The following TYW1 variants were observed in gnomAD, a reference collection of about 807,000 sequenced individuals.
TYW1 encodes the protein tRNA-yW synthesizing protein 1 homolog, also known as S-adenosyl-L-methionine-dependent tRNA 4-demethylwyosine synthase TYW1.
TYW1 carries 46 observed loss-of-function variants against 96.2 expected under a neutral mutation model. The ratio of observed to expected loss-of-function variants is 0.48; its 90% CI spans 0.38 to 0.61. The LOEUF is 0.61. Among genes scored for constraint, TYW1 ranks in the 20% least tolerant of loss-of-function variants. TYW1 has a pLI of 0.00. For synonymous variants in TYW1, 274 were observed against 323.0 expected (o/e 0.85, Z 1.63); for missense variants, 684 against 909.6 (o/e 0.75, Z 3.19).
At chr7:66,997,459 A>C (rs1793213969) in intron 1 of TYW1, among the ~76,000 whole-genome samples, 1 of 152,216 alleles carries the variant, frequency 6.6e-6, no homozygotes. Context: ...CAACAAAACA[A>C]AATTAATTTC....
chr7:67,134,066 A>G (rs556308358), intron 13 of TYW1, among the ~76,000 whole-genome samples: 9 of 151,884 alleles, frequency 5.9e-5, no homozygotes, highest in African/African-American at 2.2e-4. Context: ...ATTCCTTTCA[A>G]CTGTGAAAGC....
chr7:67,180,429 T>C (rs1478794601), intron 13 of TYW1, among the ~76,000 whole-genome samples: 1 of 145,036 alleles, frequency 6.9e-6, no homozygotes, highest in Non-Finnish European at 1.5e-5. Flanking sequence ...TATATAATTT[T>C]TTTTTTGGTA....
intron 15 of TYW1, among the ~76,000 whole-genome samples, chr7:67,227,376 C>A (rs992764732): frequency 6.6e-6 from 1 of 152,202 alleles, no homozygotes; most frequent in Non-Finnish European, 1.5e-5. Context: ...CCTGCCTCAG[C>A]CTCCTACGTA....
At chr7:67,013,804 C>T (rs769993954) in intron 4 of TYW1, among the ~76,000 whole-genome samples, 12 of 134,704 alleles carry the variant, frequency 8.9e-5, no homozygotes, top group Non-Finnish European at 7.6e-5. Flanking sequence ...AGTGCAGTGA[C>T]GTGATCTTGG....
chr7:67,072,959 T>TG (rs1451433654), intron 10 of TYW1, among the ~76,000 whole-genome samples: 2 of 136,864 alleles, frequency 1.5e-5, no homozygotes, highest in African/African-American at 5.4e-5. Context: ...TTTTTTTTTT[T>TG]TTTTTATAGA....
chr7:67,080,940 G>GTTTTTTTTTTTTTTTTTTTTT (rs71049495), intron 10 of TYW1, among the ~76,000 whole-genome samples: 4 of 37,250 alleles, frequency 1.1e-4, no homozygotes, highest in African/African-American at 2.3e-4. Context: ...CTTTCTTACT[G>GTTTTTTTTTTTTTTTTTTTTT]TTTTTTTTTT....
chr7:67,012,342 T>A (rs778904493), intron 4 of TYW1, among the ~76,000 whole-genome samples: 8 of 151,812 alleles, frequency 5.3e-5, no homozygotes, highest in Non-Finnish European at 1.2e-4. Flanking sequence ...AGCGAGACTC[T>A]GTCTCAAAAA....
chr7:67,125,044 G>T (rs1797871998), intron 13 of TYW1, among the ~76,000 whole-genome samples: 1 of 152,072 alleles, frequency 6.6e-6, no homozygotes. Flanking sequence ...GTTTGGTCAG[G>T]CTGGTCTCGA....
intron 13 of TYW1, among the ~76,000 whole-genome samples, chr7:67,132,634 A>G (rs1319370409): frequency 6.6e-6 from 1 of 151,614 alleles, no homozygotes; most frequent in Non-Finnish European, 1.5e-5. Context: ...TGCAACTATT[A>G]CCACCATCCA....
chr7:67,063,940 C>T (rs2115650892), intron 9 of TYW1, among the ~76,000 whole-genome samples: 1 of 152,254 alleles, frequency 6.6e-6, no homozygotes, highest in African/African-American at 2.4e-5. Flanking sequence ...AAAACCAAAA[C>T]TAAAAAGTTC....
chr7:67,024,897 C>T lies in TYW1; in HGVS notation c.862-3C>T, dbSNP rs1415145904. On this transcript the variant is annotated splice_region_variant and splice_polypyrimidine_tract_variant and intron_variant, in intron 6 of 15. Transcript: ENST00000359626. ...ATGTATTTCTGAAGCATTTCTCTTC[C>T]AGGAGGAAGAACCCTTTGAGAGCTC... is the stretch of plus-strand genomic sequence containing the variant. The T allele has an allele frequency of 1.2e-6, 2 of 1,613,652 alleles. No individual in the cohort carries two copies. The highest frequency in any genetic ancestry group is 1.1e-5 in the South Asian group (1 of 91,044).
chr7:67,205,050 G>A (rs533109497), intron 15 of TYW1, among the ~76,000 whole-genome samples: 1 of 152,320 alleles, frequency 6.6e-6, no homozygotes, highest in Non-Finnish European at 1.5e-5. Context: ...GGTATGATAA[G>A]TGATTTTCAG....
intron 15 of TYW1, among the ~76,000 whole-genome samples, chr7:67,203,273 T>G (rs1008016761): frequency 2.0e-5 from 3 of 152,248 alleles, no homozygotes; most frequent in Middle Eastern, 3.2e-3. Flanking sequence ...GATCAGTGTT[T>G]GCATGGTATA....
chr7:67,186,158 A>C (rs2116316034), intron 14 of TYW1, among the ~76,000 whole-genome samples: 1 of 145,472 alleles, frequency 6.9e-6, no homozygotes, highest in African/African-American at 2.6e-5. Context: ...GTTTTAATTT[A>C]TGATTTAGCT....
At chr7:67,074,831 G>A (rs1252013552) in intron 10 of TYW1, among the ~76,000 whole-genome samples, 3 of 147,322 alleles carry the variant, frequency 2.0e-5, no homozygotes, top group African/African-American at 7.4e-5. Context: ...ATGACAGTGG[G>A]TTTTTTTTTT....
chr7:67,107,355 A>G (rs1797274666), intron 12 of TYW1, among the ~76,000 whole-genome samples: 1 of 152,180 alleles, frequency 6.6e-6, no homozygotes, highest in Non-Finnish European at 1.5e-5. Flanking sequence ...TGTTTGCACT[A>G]AACATATGAA....
At chr7:67,186,546 G>C (rs942577179) in intron 14 of TYW1, among the ~76,000 whole-genome samples, 3 of 151,986 alleles carry the variant, frequency 2.0e-5, no homozygotes, top group African/African-American at 7.3e-5. Context: ...GGAGTGCAGT[G>C]GTGCAATCAT....
At chr7:67,019,398 A>T (rs538238913) in intron 6 of TYW1, among the ~76,000 whole-genome samples, 1 of 144,806 alleles carries the variant, frequency 6.9e-6, no homozygotes, top group Non-Finnish European at 1.5e-5. Context: ...GGGTTTCATC[A>T]TGTTGGTTAG....
At chr7:67,147,046 T>G (rs1363699217) in intron 13 of TYW1, among the ~76,000 whole-genome samples, 2 of 152,208 alleles carry the variant, frequency 1.3e-5, no homozygotes, top group Non-Finnish European at 2.9e-5. Flanking sequence ...CAGAACTAGG[T>G]GTCTTAGTCA....
Sources: gnomAD v4.1 joint callset for allele counts (sites outside exome capture counted in the v4.1 genomes callset) on GRCh38, gnomAD v4.1.1 for gene constraint, MANE v1.5 for transcripts, NCBI Gene and HGNC (gene_info 2026-07-23, HGNC 2026-07-21) for gene names.